Variants in PTPRM observed in about 807,000 individuals in gnomAD.
PTPRM encodes protein tyrosine phosphatase receptor type M, also known as receptor-type tyrosine-protein phosphatase mu.
PTPRM carries 47 observed loss-of-function variants against 186.7 expected under a neutral mutation model. The observed-to-expected ratio is 0.25, with a 90% CI of 0.20 to 0.32. The LOEUF is 0.32. PTPRM is among the 10% of genes least tolerant of loss of function. The pLI is 1.00. For synonymous variants in PTPRM, 668 were observed against 674.9 expected (o/e 0.99, Z 0.16); for missense variants, 1,494 against 1,865.0 (o/e 0.80, Z 3.66).
chr18:8,181,160 A>G (rs1278120764), intron 14 of PTPRM, among the ~76,000 whole-genome samples: 1 of 152,258 alleles, frequency 6.6e-6, no homozygotes, highest in East Asian at 1.9e-4. Context: ...CAAAACAAAC[A>G]GAAATCTTTG....
At chr18:7,765,020 T>A (rs771556855) in intron 1 of PTPRM, among the ~76,000 whole-genome samples, 23 of 152,312 alleles carry the variant, frequency 1.5e-4, no homozygotes, top group Middle Eastern at 6.8e-3. Flanking sequence ...CTATGAGGTG[T>A]TTATTTGTAT....
Position 8,252,349 on chromosome 18 carries a change from C to T in PTPRM, c.2555-139C>T, listed in dbSNP as rs774635118. The T allele has an allele frequency of 3.1e-5, 23 of 742,020 alleles. 1 individual carries two copies. The highest frequency in any genetic ancestry group is 1.1e-4 in the South Asian group (7 of 62,266). 46.0% of individuals were successfully genotyped at this position (742,020 alleles called of 1,614,324 possible). A position where few individuals can be genotyped will look rare whatever the true frequency, so the allele number is the denominator to read the frequency against. On this transcript the variant is annotated intron_variant, in intron 17 of 32. Coordinates refer to ENST00000580170, the MANE Select transcript of PTPRM (RefSeq NM_001105244.2). ...GAAGAATTGAGGCTTCGCCCTCTGA[C>T]CACCTCTGAATAGAAAACTTAACTG...
intron 7 of PTPRM, among the ~76,000 whole-genome samples, chr18:7,988,131 G>A (rs2083068808): frequency 6.6e-6 from 1 of 152,086 alleles, no homozygotes; most frequent in African/African-American, 2.4e-5. Context: ...GCTGCAGTGA[G>A]CTGTGATCAT....
At chr18:7,860,079 A>ATTT (rs536051040) in intron 2 of PTPRM, among the ~76,000 whole-genome samples, 16 of 147,806 alleles carry the variant, frequency 1.1e-4, no homozygotes, top group African/African-American at 4.0e-4. Context: ...TTTTTATTTT[A>ATTT]TTTTTTTTTT....
chr18:7,608,628 T>C (rs2037594804), intron 1 of PTPRM, among the ~76,000 whole-genome samples: 1 of 152,056 alleles, frequency 6.6e-6, no homozygotes, highest in Non-Finnish European at 1.5e-5. Context: ...TTTGGATTTT[T>C]CATTTAACCC....
At chr18:8,013,055 G>T (rs972938154) in intron 7 of PTPRM, among the ~76,000 whole-genome samples, 3 of 151,068 alleles carry the variant, frequency 2.0e-5, no homozygotes, top group Admixed American at 1.3e-4. Flanking sequence ...AGATGGAGGA[G>T]GACTTCAGTT....
intron 7 of PTPRM, among the ~76,000 whole-genome samples, chr18:8,021,572 A>G (rs1194297016): frequency 5.3e-5 from 8 of 151,672 alleles, no homozygotes; most frequent in Non-Finnish European, 1.0e-4. Flanking sequence ...CCCTGTGTCC[A>G]TGTGTTGTCA....
At chr18:8,291,448 C>T (rs2147843511) in intron 19 of PTPRM, among the ~76,000 whole-genome samples, 1 of 152,286 alleles carries the variant, frequency 6.6e-6, no homozygotes, top group African/African-American at 2.4e-5. Context: ...ATTAGCTTTA[C>T]TTTCAACAAG....
At chr18:7,778,340 A>G (rs1207938075) in intron 2 of PTPRM, among the ~76,000 whole-genome samples, 1 of 152,092 alleles carries the variant, frequency 6.6e-6, no homozygotes. Context: ...GCTAGCTCTG[A>G]GTCATCACGG....
At position 7,780,820 on chromosome 18, in the gene PTPRM, G is replaced by A. The variant is rs1354389356; in HGVS notation, c.196+6549G>A. Among the ~76,000 whole-genome samples, 4 of 152,120 alleles carry A rather than the reference G, an allele frequency of 2.6e-5. 1 individual carries two copies. Among genetic ancestry groups the A allele is most frequent in the Admixed American group, 2.6e-4 (4 of 15,268 alleles). ...TGCAGACAGGGACAGCTTTTCTGAG[G>A]ATGCATCTTTCAGTAAAGACCTAAA... is the stretch of plus-strand genomic sequence containing the variant. On this transcript the variant is annotated intron_variant, in intron 2 of 32. Coordinates refer to ENST00000580170, the MANE Select transcript of PTPRM (RefSeq NM_001105244.2).
At chr18:8,345,169 A>C (rs1035014237) in intron 23 of PTPRM, among the ~76,000 whole-genome samples, 4 of 152,252 alleles carry the variant, frequency 2.6e-5, no homozygotes, top group Non-Finnish European at 5.9e-5. Flanking sequence ...TGTTGTTATT[A>C]GAAAAGAAGA....
chr18:7,909,561 T>C (rs1339117302), intron 4 of PTPRM, among the ~76,000 whole-genome samples: 1 of 152,228 alleles, frequency 6.6e-6, no homozygotes, highest in East Asian at 1.9e-4. Flanking sequence ...CAGGTAATAT[T>C]TTATGAGCTT....
rs145274821 is a variant in PTPRM, at chr18:7,828,683, G to A, written c.196+54412G>A. Among the ~76,000 whole-genome samples the A allele has an allele frequency of 2.3e-3, 346 of 152,274 alleles. 1 individual carries two copies. Among genetic ancestry groups the A allele is most frequent in the African/African-American group, 8.0e-3 (332 of 41,556 alleles). Reference sequence around the variant, plus strand: ...ATTCCGTGTTTTTCTAGGCTGAGATGAAAAGTAGGAAAGAACTACAGTGAA... The same window carrying A: ...ATTCCGTGTTTTTCTAGGCTGAGATAAAAAGTAGGAAAGAACTACAGTGAA... On this transcript the variant is annotated intron_variant, in intron 2 of 32. Coordinates refer to ENST00000580170, the MANE Select transcript of PTPRM (RefSeq NM_001105244.2).
chr18:7,569,345 G>GA (rs1228090213), intron 1 of PTPRM, among the ~76,000 whole-genome samples: 4 of 152,152 alleles, frequency 2.6e-5, no homozygotes, highest in African/African-American at 4.8e-5. Flanking sequence ...CTTCAATACA[G>GA]AAATATCCTT....
chr18:8,279,353 C>A (rs964340774), intron 19 of PTPRM, among the ~76,000 whole-genome samples: 8 of 152,160 alleles, frequency 5.3e-5, no homozygotes, highest in African/African-American at 1.7e-4. Flanking sequence ...GAAGGAAAGG[C>A]CTTTTCCGAC....
chr18:8,085,886 G>A lies in PTPRM; in HGVS notation c.1753+14G>A, dbSNP rs757820206. ...CCAAAATATCAGGTACTCTACATTC[G>A]TGAGTTGTGTCTTTTATCAGAAGTA... is the stretch of plus-strand genomic sequence containing the variant. On this transcript the variant is annotated intron_variant, in intron 10 of 32. Coordinates refer to ENST00000580170, the MANE Select transcript of PTPRM (RefSeq NM_001105244.2). The A allele has an allele frequency of 2.5e-6, 4 of 1,604,338 alleles. No individual in the cohort carries two copies. The highest frequency in any genetic ancestry group is 1.7e-4 in the Middle Eastern group (1 of 6,026).
chr18:8,392,435 T>C (rs1273226922), intron 31 of PTPRM, among the ~76,000 whole-genome samples: 13 of 152,130 alleles, frequency 8.5e-5, no homozygotes, highest in Admixed American at 3.9e-4. Context: ...CTATCCTGGC[T>C]AACACGGTGA....
At chr18:8,136,532 A>G (rs1465620942) in intron 13 of PTPRM, among the ~76,000 whole-genome samples, 1 of 152,130 alleles carries the variant, frequency 6.6e-6, no homozygotes, top group African/African-American at 2.4e-5. Flanking sequence ...TCTCAGTCTT[A>G]TATGAAAAAT....
intron 14 of PTPRM, among the ~76,000 whole-genome samples, chr18:8,213,428 A>G (rs1433503928): frequency 6.6e-6 from 1 of 152,214 alleles, no homozygotes; most frequent in Non-Finnish European, 1.5e-5. Context: ...TGTTTATACT[A>G]CTTTTGAATG....
Sources: allele counts gnomAD v4.1 joint callset (sites outside exome capture counted in the v4.1 genomes callset), GRCh38; gene constraint gnomAD v4.1.1; transcripts MANE v1.5; gene names NCBI Gene and HGNC (gene_info 2026-07-23, HGNC 2026-07-21).